Variants in SLC12A3 observed in about 807,000 individuals in gnomAD.
SLC12A3 encodes Na-Cl cotransporter.
In SLC12A3, 104 loss-of-function variants were observed where a neutral mutation model predicts 121.0. The ratio of observed to expected loss-of-function variants is 0.86; its 90% CI spans 0.73 to 1.01. The LOEUF (loss-of-function observed/expected upper bound fraction) is 1.01, where lower values mean the gene tolerates loss of function less well. Ranked by LOEUF, SLC12A3 falls within the 50% of genes least tolerant of loss-of-function variation. SLC12A3 has a pLI of 0.00. For synonymous variants in SLC12A3, 536 were observed against 533.4 expected, an observed-to-expected ratio of 1.00 and a Z score of -0.07; for missense variants, 1,328 against 1,356.3, an observed-to-expected ratio of 0.98 and a Z score of 0.33.
chr16:56,867,653 G>A (rs1466948884), intron 2 of SLC12A3, among the ~76,000 whole-genome samples: 1 of 152,164 alleles, frequency 6.6e-6, no homozygotes, highest in Non-Finnish European at 1.5e-5. Context: ...TCTTAACGCT[G>A]CCAACTGGCT....
chr16:56,880,338 G>A, intron 12 of SLC12A3, 85 bp downstream of exon 12: 2 of 1,490,118 alleles, frequency 1.3e-6, no homozygotes, highest in Non-Finnish European at 9.0e-7. Flanking sequence ...CTCTTCTCCT[G>A]TCTCCTCATC....
chr16:56,866,379 A>G (rs1412491335), intron 1 of SLC12A3, among the ~76,000 whole-genome samples: 1 of 152,132 alleles, frequency 6.6e-6, no homozygotes, highest in Non-Finnish European at 1.5e-5. Context: ...TTGGCTCCAT[A>G]CTGAGATGAA....
chr16:56,882,383 T>A lies in SLC12A3; in HGVS notation c.1568-13T>A. On this transcript the variant is annotated splice_polypyrimidine_tract_variant and intron_variant, in intron 12 of 25. Coordinates refer to ENST00000563236, the MANE Select transcript of SLC12A3 (RefSeq NM_001126108.2). ...CCCAACAGGCTGTCCTCTCTCTCCC[T>A]GGGTCCCCGAAGCTGAGCTCAACAC... is the stretch of plus-strand genomic sequence containing the variant. The A allele has an allele frequency of 6.2e-7, 1 of 1,609,594 alleles. No homozygotes were observed. The highest frequency in any genetic ancestry group is 8.5e-7 in the Non-Finnish European group (1 of 1,175,822).
At chr16:56,883,952 G>A in intron 13 of SLC12A3, 97 bp from the exon 14 acceptor site, 2 of 1,372,982 alleles carry the variant, frequency 1.5e-6, no homozygotes, top group Middle Eastern at 2.4e-4. Flanking sequence ...CCGGCTCTGG[G>A]CACTGCTGGC....
intron 3 of SLC12A3, among the ~76,000 whole-genome samples, chr16:56,868,604 A>G (rs780526880): frequency 2.0e-5 from 3 of 152,176 alleles, no homozygotes; most frequent in Non-Finnish European, 4.4e-5. Flanking sequence ...CCTAAGGGCT[A>G]TTTGCCCTCA....
Position 56,865,426 on chromosome 16 carries a change from T to C in SLC12A3, c.191T>C (p.Val64Ala). 1 of 1,614,144 alleles carries C rather than the reference T, an allele frequency of 6.2e-7. No individual in the cohort carries two copies. Among genetic ancestry groups the C allele is most frequent in the Non-Finnish European group, 8.5e-7 (1 of 1,180,022 alleles). ...TTTGGCTACAACACGATCGATGTGG[T>C]GCCCACATATGAGCACTATGCCAAC... ...RTFGYNTIDV[V>A]PTYEHYANST... Residue 64 changes from valine to alanine, a missense_variant, in exon 1 of 26, where the codon GTG becomes GCG. Coordinates refer to ENST00000563236, the MANE Select transcript of SLC12A3 (RefSeq NM_001126108.2).
chr16:56,875,048 C>A (rs368588061), intron 8 of SLC12A3, among the ~76,000 whole-genome samples: 4 of 152,150 alleles, frequency 2.6e-5, no homozygotes, highest in African/African-American at 4.8e-5. Context: ...CTCATTAGAT[C>A]GTTGCCTGGG....
In SLC12A3 at chr16:56,885,293, T is replaced by C; in HGVS notation, c.1854T>C (p.Ala618=). The C allele has an allele frequency of 1.9e-6, 3 of 1,554,684 alleles. No individual in the cohort carries two copies. The South Asian group carries it at 3.6e-5, about 18-fold the overall frequency. ...PEVNWGSSVQ[A]GSYNLALSYS... ...TAAATTGGGGCTCCTCGGTACAGGC[T>C]GGCTCCTACAACCTGGCCCTCAGCT... The change falls in exon 15 of 26, where the codon GCT becomes GCC. Residue 618 remains alanine (A), a synonymous_variant. Coordinates refer to ENST00000563236, the MANE Select transcript of SLC12A3 (RefSeq NM_001126108.2).
intron 25 of SLC12A3, among the ~76,000 whole-genome samples, chr16:56,909,390 C>T (rs749436744): frequency 2.0e-5 from 3 of 152,054 alleles, no homozygotes; most frequent in Non-Finnish European, 4.4e-5. Flanking sequence ...GAGGTGACCA[C>T]CTGTTGGAAT....
At chr16:56,907,762 C>G (rs2055626649) in intron 25 of SLC12A3, among the ~76,000 whole-genome samples, 2 of 152,134 alleles carry the variant, frequency 1.3e-5, no homozygotes, top group African/African-American at 4.8e-5. Flanking sequence ...TCACAGGGCT[C>G]CACTCTCATA....
intron 23 of SLC12A3, 81 bp downstream of exon 23, chr16:56,899,697 T>C: frequency 2.0e-6 from 2 of 996,858 alleles, no homozygotes; most frequent in South Asian, 2.5e-5. Flanking sequence ...CCCTTTTTCC[T>C]TGGTAGACTA....
chr16:56,906,473 T>G (rs1596955888), intron 25 of SLC12A3: 1 of 161,106 alleles, frequency 6.2e-6, no homozygotes, highest in East Asian at 1.8e-4. Flanking sequence ...GGACCTCCAG[T>G]CTGTCTTAAG....
chr16:56,902,807 G>A (rs1441233920), intron 24 of SLC12A3, among the ~76,000 whole-genome samples: 8 of 152,198 alleles, frequency 5.3e-5, no homozygotes, highest in Admixed American at 3.3e-4. Flanking sequence ...CCTCTATGCC[G>A]GGTGGAAGAG....
rs757430982 is a variant in SLC12A3, at chr16:56,890,421, AG to A, written c.2368+68del. ...CACATTTTTTGTTTTTAAATGGCAG[AG>A]GGAAAAATGAGTAAGAAATAAAAGG... On this transcript the variant is annotated intron_variant, in intron 19 of 25. Coordinates refer to ENST00000563236, the MANE Select transcript of SLC12A3 (RefSeq NM_001126108.2). 1.3e-4 allele frequency: 166 copies of A among 1,320,446 alleles called. 1 individual carries two copies. Among genetic ancestry groups the A allele is most frequent in the Non-Finnish European group, 1.8e-4 (161 of 917,334 alleles). 81.8% of individuals were successfully genotyped at this position (1,320,446 alleles called of 1,614,324 possible).
intron 22 of SLC12A3, 88 bp from the exon 23 acceptor site, chr16:56,899,442 T>C: frequency 1.0e-6 from 1 of 987,768 alleles, no homozygotes; most frequent in Non-Finnish European, 1.6e-6. Context: ...TGAATCGAGA[T>C]TGCACCACTG....
chr16:56,895,368 A>AT (rs1435806489), intron 22 of SLC12A3, among the ~76,000 whole-genome samples: 2 of 150,200 alleles, frequency 1.3e-5, no homozygotes, highest in Non-Finnish European at 3.0e-5. Flanking sequence ...GTTTTTTTGT[A>AT]TTTTTAGTAG....
intron 9 of SLC12A3, 38 bp from the exon 10 acceptor site, chr16:56,879,035 G>T: frequency 6.3e-7 from 1 of 1,579,466 alleles, no homozygotes; most frequent in Non-Finnish European, 8.6e-7. Context: ...AGTAAGGAGG[G>T]AAGGCAGACC....
chr16:56,902,578 G>C, intron 24 of SLC12A3, 70 bp downstream of exon 24: 1 of 1,585,610 alleles, frequency 6.3e-7, no homozygotes, highest in Non-Finnish European at 8.6e-7. Flanking sequence ...TGCATGTCTT[G>C]AGCTCCCCCA....
chr16:56,895,413 C>A (rs1354166014), intron 22 of SLC12A3, among the ~76,000 whole-genome samples: 5 of 150,646 alleles, frequency 3.3e-5, no homozygotes, highest in African/African-American at 1.2e-4. Flanking sequence ...AGGCTGGTCT[C>A]GAACTCCTGA....
Sources: allele counts gnomAD v4.1 joint callset (sites outside exome capture counted in the v4.1 genomes callset), GRCh38; gene constraint gnomAD v4.1.1; transcripts MANE v1.5; gene names NCBI Gene and HGNC (gene_info 2026-07-23, HGNC 2026-07-21).